SORCS3: variants seen among roughly 807,000 people sequenced by gnomAD.
SORCS3 encodes the protein sortilin related VPS10 domain containing receptor 3, also known as VPS10 domain-containing receptor SorCS3.
SORCS3 carries 57 observed loss-of-function variants against 146.3 expected under a neutral mutation model. The ratio of observed to expected loss-of-function variants is 0.39; its 90% CI spans 0.31 to 0.49. The LOEUF is 0.49. Among genes scored for constraint, SORCS3 ranks in the 20% least tolerant of loss-of-function variants. The pLI is 0.92. For missense variants in SORCS3, 1,341 were observed against 1,575.5 expected, an observed-to-expected ratio of 0.85 and a Z score of 2.52; for synonymous variants, 653 against 618.5, an observed-to-expected ratio of 1.06 and a Z score of -0.83.
intron 4 of SORCS3, among the ~76,000 whole-genome samples, chr10:104,985,795 T>C (rs1258841487): frequency 2.0e-5 from 3 of 152,176 alleles, no homozygotes; most frequent in Middle Eastern, 3.2e-3. Flanking sequence ...TAAGCAGTAA[T>C]AGTTTGGGAG....
chr10:104,697,348 G>A (rs994348506), intron 1 of SORCS3, among the ~76,000 whole-genome samples: 3 of 152,152 alleles, frequency 2.0e-5, no homozygotes, highest in African/African-American at 7.2e-5. Context: ...AAGGCTATGT[G>A]CATGCAGCTT....
chr10:104,729,068 T>G (rs997125126), intron 1 of SORCS3, among the ~76,000 whole-genome samples: 1 of 152,220 alleles, frequency 6.6e-6, no homozygotes, highest in Admixed American at 6.5e-5. Flanking sequence ...CAAAATAGTT[T>G]TATGAACTCA....
chr10:105,238,384 A>G (rs1265127937), intron 20 of SORCS3, among the ~76,000 whole-genome samples: 1 of 152,208 alleles, frequency 6.6e-6, no homozygotes, highest in East Asian at 1.9e-4. Flanking sequence ...TAAGTCAGGC[A>G]GGCTGGGGAG....
At chr10:104,903,683 A>G (rs1361807406) in intron 2 of SORCS3, among the ~76,000 whole-genome samples, 1 of 152,190 alleles carries the variant, frequency 6.6e-6, no homozygotes, top group East Asian at 1.9e-4. Flanking sequence ...GACTCTCTTC[A>G]GAGGATGGAT....
intron 1 of SORCS3, among the ~76,000 whole-genome samples, chr10:104,740,389 G>C (rs979382922): frequency 3.3e-5 from 5 of 152,226 alleles, no homozygotes. Context: ...GAATACATGT[G>C]AGTCTCTGCT....
chr10:104,754,226 C>T (rs763262710), intron 1 of SORCS3, among the ~76,000 whole-genome samples: 2 of 152,180 alleles, frequency 1.3e-5, no homozygotes, highest in Non-Finnish European at 2.9e-5. Context: ...ATGCTGTTTC[C>T]ATCACACTGA....
intron 4 of SORCS3, among the ~76,000 whole-genome samples, chr10:105,032,330 C>T (rs1417527415): frequency 6.6e-6 from 1 of 152,170 alleles, no homozygotes; most frequent in Non-Finnish European, 1.5e-5. Context: ...TCAGTATCCT[C>T]CTTCAGGAAG....
At chr10:105,221,012 C>A (rs2056698234) in intron 19 of SORCS3, among the ~76,000 whole-genome samples, 1 of 152,172 alleles carries the variant, frequency 6.6e-6, no homozygotes, top group Admixed American at 6.5e-5. Context: ...GGGGTCAAGG[C>A]AGAGCGCTTT....
At chr10:105,146,373 T>A (rs934389636) in intron 8 of SORCS3, among the ~76,000 whole-genome samples, 9 of 151,990 alleles carry the variant, frequency 5.9e-5, no homozygotes, top group Non-Finnish European at 2.9e-5. Flanking sequence ...AATTTTTTTT[T>A]AATTAAAAAA....
intron 3 of SORCS3, among the ~76,000 whole-genome samples, chr10:104,935,481 G>A (rs2019251011): frequency 1.3e-5 from 2 of 152,114 alleles, no homozygotes; most frequent in African/African-American, 4.8e-5. Flanking sequence ...AAGCTTTTGA[G>A]GTAATTCTAT....
intron 1 of SORCS3, among the ~76,000 whole-genome samples, chr10:104,690,119 T>C (rs871194): frequency 0.075 from 11,422 of 152,216 alleles, 563 homozygotes; most frequent in Admixed American, 0.13. Context: ...CACTGAGGAA[T>C]TGAAGTTTCC....
At chr10:104,996,906 C>T (rs1408057669) in intron 4 of SORCS3, among the ~76,000 whole-genome samples, 1 of 152,114 alleles carries the variant, frequency 6.6e-6, no homozygotes, top group Non-Finnish European at 1.5e-5. Flanking sequence ...AAGTTAGCAT[C>T]TCAAGAGTTC....
rs568999822 is a variant in SORCS3 at position 104,868,015 on chromosome 10, A to G, written c.695+25156A>G. Among the ~76,000 whole-genome samples the G allele has an allele frequency of 2.9e-3, 444 of 152,338 alleles. 2 individuals carry two copies. Among genetic ancestry groups the G allele is most frequent in the South Asian group, 0.018 (87 of 4,824 alleles). On this transcript the variant is annotated intron_variant, in intron 2 of 26. Coordinates refer to ENST00000369701, the MANE Select transcript of SORCS3 (RefSeq NM_014978.3). The stretch of plus-strand genomic sequence containing the variant: ...AGCTTCTCTGTATTCATTAGCATGC[A>G]GGAATCTGACTCCCTGTGGTTCCTA...
chr10:105,068,188 T>C (rs528851917), intron 5 of SORCS3, among the ~76,000 whole-genome samples: 16 of 152,288 alleles, frequency 1.1e-4, no homozygotes, highest in African/African-American at 3.8e-4. Context: ...GAACTGCATC[T>C]CCTCCTTTCC....
chr10:104,983,727 T>C (rs1374361014), intron 4 of SORCS3, among the ~76,000 whole-genome samples: 5 of 151,924 alleles, frequency 3.3e-5, no homozygotes, highest in Non-Finnish European at 5.9e-5. Context: ...CGTTTTCCAG[T>C]TGGACTCAGG....
intron 2 of SORCS3, among the ~76,000 whole-genome samples, chr10:104,889,454 ATTT>A (rs76032970): frequency 9.4e-5 from 11 of 116,970 alleles, no homozygotes; most frequent in Admixed American, 1.7e-4. Context: ...TTTGGATGGT[ATTT>A]TTTTTTTTTT....
At chr10:105,213,049 A>T (rs1161995756) in intron 17 of SORCS3, among the ~76,000 whole-genome samples, 1 of 152,216 alleles carries the variant, frequency 6.6e-6, no homozygotes, top group Non-Finnish European at 1.5e-5. Context: ...CTGTCACACT[A>T]ATGATATTTC....
chr10:104,671,319 C>T (rs367768481), intron 1 of SORCS3, among the ~76,000 whole-genome samples: 10 of 22,564 alleles, frequency 4.4e-4, no homozygotes, highest in Admixed American at 1.6e-3. Flanking sequence ...TAGTTTCATT[C>T]TTTTCCTTTT....
intron 4 of SORCS3, among the ~76,000 whole-genome samples, chr10:104,985,107 T>C (rs2054954910): frequency 6.6e-6 from 1 of 152,222 alleles, no homozygotes; most frequent in African/African-American, 2.4e-5. Context: ...CATGCAATGC[T>C]GTTTGACAGT....
Sources: allele counts gnomAD v4.1 joint callset (sites outside exome capture counted in the v4.1 genomes callset), GRCh38; gene constraint gnomAD v4.1.1; transcripts MANE v1.5; gene names NCBI Gene and HGNC (gene_info 2026-07-23, HGNC 2026-07-21).